C8orf89: variants seen among roughly 807,000 people sequenced by gnomAD.
The protein encoded by C8orf89 is chromosome 8 open reading frame 89.
Under a neutral mutation model 15.8 loss-of-function variants are expected in C8orf89, and 14 were observed. The observed-to-expected ratio is 0.89, with a 90% CI of 0.59 to 1.39. The LOEUF is 1.39. Ranked by LOEUF, C8orf89 falls within the 40% of genes most tolerant of loss-of-function variation. C8orf89 has a pLI of 0.00. For missense variants in C8orf89, 181 were observed against 184.5 expected, an observed-to-expected ratio of 0.98 and a Z score of 0.11; for synonymous variants, 55 against 62.2, an observed-to-expected ratio of 0.88 and a Z score of 0.54.
chr8:73,274,311 C>G, the C8orf89 span, among the ~76,000 whole-genome samples: 1 of 152,138 alleles, frequency 6.6e-6, no homozygotes, highest in African/African-American at 2.4e-5. Context: ...GCCACCACGC[C>G]TGGCTAATTT....
chr8:73,262,962 A>G (rs1813556725), upstream of C8orf89, among the ~76,000 whole-genome samples: 1 of 152,190 alleles, frequency 6.6e-6, no homozygotes, highest in South Asian at 2.1e-4. Flanking sequence ...ATTCTAGTGG[A>G]AAAAGAAAAA....
upstream of C8orf89, among the ~76,000 whole-genome samples, chr8:73,262,419 C>A (rs1322767632): frequency 6.6e-6 from 1 of 152,088 alleles, no homozygotes; most frequent in African/African-American, 2.4e-5. Context: ...CTAAAACTGG[C>A]TTTTTAGTAA....
chr8:73,281,298 C>A, the C8orf89 span, among the ~76,000 whole-genome samples: 1 of 152,024 alleles, frequency 6.6e-6, no homozygotes, highest in South Asian at 2.1e-4. Context: ...ATATCAATTC[C>A]TGTATTTCTT....
chr8:73,260,056 C>T (rs1813494389), upstream of C8orf89, among the ~76,000 whole-genome samples: 1 of 152,100 alleles, frequency 6.6e-6, no homozygotes, highest in Non-Finnish European at 1.5e-5. Context: ...CCATTTTTTC[C>T]AGTGATCACA....
chr8:73,277,336 C>T, the C8orf89 span: 2 of 741,590 alleles, frequency 2.7e-6, no homozygotes, highest in African/African-American at 1.8e-5. Flanking sequence ...CTGGTTATCC[C>T]TGAGCTGGGC....
At chr8:73,266,807 C>T in the C8orf89 span, among the ~76,000 whole-genome samples, 1 of 151,886 alleles carries the variant, frequency 6.6e-6, no homozygotes, top group Non-Finnish European at 1.5e-5. Context: ...CATTAAAAAC[C>T]CCTAACAACC....
At chr8:73,259,222 T>C in intron 1 of C8orf89, 110 bp downstream of exon 1, 2 of 633,554 alleles carry the variant, frequency 3.2e-6, no homozygotes, top group Non-Finnish European at 4.8e-6. Context: ...TAAGATATAA[T>C]TCTTACATAA....
At chr8:73,271,727 C>T in the C8orf89 span, among the ~76,000 whole-genome samples, 1 of 152,114 alleles carries the variant, frequency 6.6e-6, no homozygotes, top group Non-Finnish European at 1.5e-5. Flanking sequence ...GATAAAGACA[C>T]CCGAGACTGT....
chr8:73,253,593 G>A (rs1365652149), intron 2 of C8orf89, among the ~76,000 whole-genome samples: 1 of 151,494 alleles, frequency 6.6e-6, no homozygotes, highest in African/African-American at 2.4e-5. Flanking sequence ...CCATTTGTTT[G>A]TATCCTCTTT....
upstream of C8orf89, among the ~76,000 whole-genome samples, chr8:73,261,279 C>T (rs1394883629): frequency 6.6e-6 from 1 of 152,190 alleles, no homozygotes; most frequent in Non-Finnish European, 1.5e-5. Flanking sequence ...AAAAAGCATG[C>T]CTTTCTCCGG....
At chr8:73,285,723 G>C in the C8orf89 span, among the ~76,000 whole-genome samples, 1 of 152,214 alleles carries the variant, frequency 6.6e-6, no homozygotes, top group Admixed American at 6.5e-5. Context: ...ACAGCGGGCA[G>C]TGTGGGAGCC....
chr8:73,249,047 T>A (rs1813190298), intron 3 of C8orf89, among the ~76,000 whole-genome samples: 1 of 152,220 alleles, frequency 6.6e-6, no homozygotes, highest in African/African-American at 2.4e-5. Flanking sequence ...CAATATGATG[T>A]TGGCTGTGGG....
chr8:73,267,802 A>G, the C8orf89 span, among the ~76,000 whole-genome samples: 1 of 152,236 alleles, frequency 6.6e-6, no homozygotes, highest in African/African-American at 2.4e-5. Flanking sequence ...ATTTTCCTCA[A>G]TAATCTGAGT....
At chr8:73,244,140 T>G (rs1813069951) in intron 3 of C8orf89, among the ~76,000 whole-genome samples, 1 of 152,126 alleles carries the variant, frequency 6.6e-6, no homozygotes, top group African/African-American at 2.4e-5. Flanking sequence ...TGAAGTAAAA[T>G]TGTAAAGTAA....
At chr8:73,278,721 ATATC>A in the C8orf89 span, among the ~76,000 whole-genome samples, 2 of 152,178 alleles carry the variant, frequency 1.3e-5, no homozygotes, top group Non-Finnish European at 2.9e-5. Flanking sequence ...TGTTGATACT[ATATC>A]TATTATTCTC....
At position 73,246,306 on chromosome 8, in the gene C8orf89, T is replaced by G. The variant is rs960067862; in HGVS notation, c.337+3962A>C. 3.9e-5 allele frequency among the ~76,000 whole-genome samples: 6 copies of G among 152,228 alleles called. No homozygotes were observed. In the East Asian group the frequency reaches 9.6e-4, roughly 24 times the overall value. Reference sequence around the variant, plus strand: ...AGTGAATAAGACACAGAAGTCATAATGTTAGAAAAGAGGCTGGCAAATGTT... The same window carrying G: ...AGTGAATAAGACACAGAAGTCATAAGGTTAGAAAAGAGGCTGGCAAATGTT... On this transcript the variant is annotated intron_variant, in intron 3 of 3. Transcript: ENST00000624510.
the C8orf89 span, among the ~76,000 whole-genome samples, chr8:73,266,096 A>G: frequency 6.6e-6 from 1 of 152,202 alleles, no homozygotes; most frequent in South Asian, 2.1e-4. Context: ...ATTTCAAAAC[A>G]CTAATGAAGG....
At chr8:73,274,755 G>A in the C8orf89 span, among the ~76,000 whole-genome samples, 1 of 152,130 alleles carries the variant, frequency 6.6e-6, no homozygotes, top group Non-Finnish European at 1.5e-5. Context: ...AAAAGATACT[G>A]AGTTGTTTGA....
At chr8:73,267,014 G>A in the C8orf89 span, among the ~76,000 whole-genome samples, 1 of 152,120 alleles carries the variant, frequency 6.6e-6, no homozygotes, top group African/African-American at 2.4e-5. Flanking sequence ...ACCAAAGATA[G>A]GACTATAAAC....
Sources: gnomAD v4.1 joint callset for allele counts (sites outside exome capture counted in the v4.1 genomes callset) on GRCh38, gnomAD v4.1.1 for gene constraint, MANE v1.5 for transcripts, NCBI Gene and HGNC (gene_info 2026-07-23, HGNC 2026-07-21) for gene names.